Variants in NRG3 observed in about 807,000 individuals in gnomAD.
NRG3 encodes the protein pro-neuregulin-3, membrane-bound isoform.
Under a neutral mutation model 66.9 loss-of-function variants are expected in NRG3, and 31 were observed. That is an observed-to-expected ratio of 0.46 (90% CI 0.35 to 0.63). The LOEUF is 0.63. NRG3 is among the 20% of genes least tolerant of loss of function. The pLI, the probability that NRG3 is intolerant of heterozygous loss-of-function variation, is 0.00. For missense variants in NRG3, 910 were observed against 878.9 expected (o/e 1.04, Z -0.45); for synonymous variants, 393 against 359.4 (o/e 1.09, Z -1.06).
intron 1 of NRG3, among the ~76,000 whole-genome samples, chr10:82,216,406 A>G (rs1021561833): frequency 1.3e-5 from 2 of 151,872 alleles, no homozygotes; most frequent in African/African-American, 4.8e-5. Context: ...ATACTCTGAA[A>G]TCTCAATAGT....
chr10:82,813,474 A>C (rs954255009), intron 3 of NRG3, among the ~76,000 whole-genome samples: 1 of 152,098 alleles, frequency 6.6e-6, no homozygotes, highest in Admixed American at 6.5e-5. Flanking sequence ...TCAGCCTCCC[A>C]AAGTGGTGGG....
chr10:82,664,699 C>T (rs2052626261), intron 2 of NRG3, among the ~76,000 whole-genome samples: 1 of 151,814 alleles, frequency 6.6e-6, no homozygotes, highest in Non-Finnish European at 1.5e-5. Context: ...ATAACTTTCT[C>T]AGCTTCTCAA....
At chr10:81,907,915 A>G (rs1283448120) in intron 1 of NRG3, among the ~76,000 whole-genome samples, 1 of 152,188 alleles carries the variant, frequency 6.6e-6, no homozygotes, top group Non-Finnish European at 1.5e-5. Context: ...AGCTAGTACA[A>G]TGAGGTGACT....
At chr10:82,641,221 G>A (rs1328787216) in intron 2 of NRG3, among the ~76,000 whole-genome samples, 2 of 151,974 alleles carry the variant, frequency 1.3e-5, no homozygotes, top group East Asian at 3.9e-4. Flanking sequence ...AAATAAAATT[G>A]TTGCTAATCA....
intron 1 of NRG3, among the ~76,000 whole-genome samples, chr10:82,320,785 G>A (rs2081529433): frequency 6.6e-6 from 1 of 152,114 alleles, no homozygotes; most frequent in African/African-American, 2.4e-5. Flanking sequence ...GAAACCTGTG[G>A]CCTTAAATGG....
intron 1 of NRG3, among the ~76,000 whole-genome samples, chr10:82,294,185 A>G (rs1400711183): frequency 6.6e-6 from 1 of 152,162 alleles, no homozygotes; most frequent in Non-Finnish European, 1.5e-5. Flanking sequence ...TCTGATGGAA[A>G]CCATGCTTTA....
intron 2 of NRG3, among the ~76,000 whole-genome samples, chr10:82,512,707 G>A (rs766671178): frequency 1.7e-4 from 26 of 151,970 alleles, no homozygotes; most frequent in Non-Finnish European, 2.9e-4. Flanking sequence ...GTGAATTTTC[G>A]GTAGATTTTT....
chr10:82,977,533 T>A (rs2146256), intron 7 of NRG3, among the ~76,000 whole-genome samples: 1 of 150,700 alleles, frequency 6.6e-6, no homozygotes, highest in Non-Finnish European at 1.5e-5. Context: ...CACTTGAACC[T>A]GGGAGGTAGA....
intron 1 of NRG3, among the ~76,000 whole-genome samples, chr10:81,981,748 T>A (rs962496253): frequency 6.6e-6 from 1 of 152,210 alleles, no homozygotes; most frequent in Admixed American, 6.5e-5. Context: ...GGATAACATA[T>A]GTTTACAGCC....
intron 3 of NRG3, among the ~76,000 whole-genome samples, chr10:82,834,116 A>G (rs908371024): frequency 1.3e-5 from 2 of 152,114 alleles, no homozygotes; most frequent in African/African-American, 4.8e-5. Context: ...GCAGCATTCT[A>G]TATTTGCTCT....
At chr10:82,376,826 C>A (rs575863502) in intron 2 of NRG3, among the ~76,000 whole-genome samples, 50 of 152,302 alleles carry the variant, frequency 3.3e-4, no homozygotes, top group African/African-American at 1.2e-3. Context: ...TCTCCCTCTT[C>A]CTTCTATGCA....
chr10:82,697,651 C>T (rs192347963), intron 2 of NRG3, among the ~76,000 whole-genome samples: 1 of 152,052 alleles, frequency 6.6e-6, no homozygotes, highest in Non-Finnish European at 1.5e-5. Context: ...TCCAACAGCA[C>T]GTGGGCAATT....
intron 1 of NRG3, among the ~76,000 whole-genome samples, chr10:82,338,240 A>G (rs1159270637): frequency 6.6e-6 from 1 of 152,222 alleles, no homozygotes; most frequent in Non-Finnish European, 1.5e-5. Context: ...CTAGTGATTG[A>G]TGGGGGCATC....
chr10:82,772,384 T>G (rs1565298731), intron 3 of NRG3, among the ~76,000 whole-genome samples: 1 of 152,112 alleles, frequency 6.6e-6, no homozygotes, highest in African/African-American at 2.4e-5. Flanking sequence ...ACAATTTTAT[T>G]AATCATAGTT....
At chr10:82,254,021 A>G (rs1404052200) in intron 1 of NRG3, among the ~76,000 whole-genome samples, 1 of 152,212 alleles carries the variant, frequency 6.6e-6, no homozygotes, top group Non-Finnish European at 1.5e-5. Context: ...TAAATATCAC[A>G]TTCACAGTTT....
intron 3 of NRG3, among the ~76,000 whole-genome samples, chr10:82,740,975 G>T (rs1455805491): frequency 1.3e-5 from 2 of 152,026 alleles, no homozygotes; most frequent in African/African-American, 4.8e-5. Context: ...ATGTTGTAAG[G>T]ACGTGGAATT....
At chr10:82,719,507 T>C (rs1448479379) in intron 2 of NRG3, among the ~76,000 whole-genome samples, 4 of 152,318 alleles carry the variant, frequency 2.6e-5, no homozygotes, top group African/African-American at 9.6e-5. Flanking sequence ...TTTCTTAGGC[T>C]CTCTTGACCA....
At chr10:82,586,466 A>G (rs936094282) in intron 2 of NRG3, among the ~76,000 whole-genome samples, 6 of 152,140 alleles carry the variant, frequency 3.9e-5, no homozygotes, top group Non-Finnish European at 7.4e-5. Flanking sequence ...TACAGTCTGG[A>G]ACCAGAATGC....
At chr10:82,782,212 C>T (rs977549335) in intron 3 of NRG3, among the ~76,000 whole-genome samples, 1 of 152,158 alleles carries the variant, frequency 6.6e-6, no homozygotes, top group Non-Finnish European at 1.5e-5. Context: ...CATGAGGGCT[C>T]TGCCCTTACA....
Sources: allele counts gnomAD v4.1 joint callset (sites outside exome capture counted in the v4.1 genomes callset), GRCh38; gene constraint gnomAD v4.1.1; transcripts MANE v1.5; gene names NCBI Gene and HGNC (gene_info 2026-07-23, HGNC 2026-07-21).